LINGO2: variants seen among roughly 807,000 people sequenced by gnomAD.
LINGO2 encodes leucine rich repeat and Ig domain containing 2.
In LINGO2, 14 loss-of-function variants were observed where a neutral mutation model predicts 30.6. That is an observed-to-expected ratio of 0.46 (90% CI 0.30 to 0.72). LINGO2 has a LOEUF of 0.72. Among genes scored for constraint, LINGO2 ranks in the 30% least tolerant of loss-of-function variants. The probability of loss-of-function intolerance (pLI) is 0.07; values close to 1 mark genes in which losing one functional copy is unlikely to be tolerated. For missense variants in LINGO2, 729 were observed against 751.7 expected (o/e 0.97, Z 0.35); for synonymous variants, 317 against 288.5 (o/e 1.10, Z -1.00).
intron 5 of LINGO2, among the ~76,000 whole-genome samples, chr9:27,984,153 G>A (rs1317960282): frequency 2.0e-5 from 3 of 151,846 alleles, no homozygotes; most frequent in Non-Finnish European, 4.4e-5. Context: ...TAATATTGAG[G>A]AATGCTAGCT....
At chr9:28,754,970 A>C in the LINGO2 span, among the ~76,000 whole-genome samples, 5 of 151,982 alleles carry the variant, frequency 3.3e-5, no homozygotes, top group Non-Finnish European at 7.4e-5. Context: ...TTCAGTACAA[A>C]CAGAATTGCT....
intron 1 of LINGO2, among the ~76,000 whole-genome samples, chr9:28,577,582 T>C (rs1824052586): frequency 6.6e-6 from 1 of 152,152 alleles, no homozygotes; most frequent in Non-Finnish European, 1.5e-5. Flanking sequence ...AGGCTCTATG[T>C]GTATTGAATT....
the LINGO2 span, among the ~76,000 whole-genome samples, chr9:28,854,372 A>G: frequency 6.6e-6 from 1 of 152,044 alleles, no homozygotes; most frequent in Middle Eastern, 3.2e-3. Flanking sequence ...AAATCTTTAG[A>G]CAAATATAAG....
chr9:28,434,838 T>C lies in LINGO2; in HGVS notation c.-279+41102A>G, dbSNP rs1303254642. 6.6e-5 allele frequency among the ~76,000 whole-genome samples: 10 copies of C among 152,140 alleles called. No individual in the cohort carries two copies. The South Asian group carries it at 2.1e-3, about 31-fold the overall frequency. On this transcript the variant is annotated intron_variant, in intron 2 of 5. Coordinates refer to ENST00000379992, the Ensembl canonical transcript of LINGO2. ...TATCTATTGTTTTTAAAAGGTTTATTGACTATTTTCATGGAACACTTGTAC... is the reference window on the plus strand; with the variant it reads ...TATCTATTGTTTTTAAAAGGTTTATCGACTATTTTCATGGAACACTTGTAC...
chr9:28,237,321 C>T (rs971794238), intron 4 of LINGO2, among the ~76,000 whole-genome samples: 41 of 151,752 alleles, frequency 2.7e-4, no homozygotes, highest in Middle Eastern at 3.4e-3. Flanking sequence ...GAAATTAAAG[C>T]ATACCACCAG....
chr9:28,656,731 A>G (rs1032674787), intron 1 of LINGO2, among the ~76,000 whole-genome samples: 3 of 152,162 alleles, frequency 2.0e-5, no homozygotes, highest in Non-Finnish European at 4.4e-5. Flanking sequence ...TTTAAAATAC[A>G]TACAAGAATA....
chr9:28,942,970 C>T, the LINGO2 span, among the ~76,000 whole-genome samples: 1 of 152,100 alleles, frequency 6.6e-6, no homozygotes, highest in Non-Finnish European at 1.5e-5. Flanking sequence ...TTGGAAGTGA[C>T]AGCATGTATG....
chr9:28,334,664 A>G (rs141491354), intron 3 of LINGO2, among the ~76,000 whole-genome samples: 19 of 152,252 alleles, frequency 1.2e-4, no homozygotes, highest in Non-Finnish European at 2.2e-4. Flanking sequence ...GTGGAGTCCT[A>G]TGCTTACTGG....
chr9:28,018,818 G>A (rs564782220), intron 4 of LINGO2, among the ~76,000 whole-genome samples: 6 of 152,210 alleles, frequency 3.9e-5, no homozygotes, highest in African/African-American at 1.4e-4. Context: ...ATTACCATTT[G>A]ACCCAGCAAC....
intron 1 of LINGO2, among the ~76,000 whole-genome samples, chr9:28,582,805 A>G (rs1170602391): frequency 1.3e-5 from 2 of 152,066 alleles, no homozygotes; most frequent in African/African-American, 4.8e-5. Flanking sequence ...TATTACTTCA[A>G]ACATTTGCGA....
the LINGO2 span, among the ~76,000 whole-genome samples, chr9:29,159,659 C>T: frequency 6.6e-6 from 1 of 151,992 alleles, no homozygotes; most frequent in Non-Finnish European, 1.5e-5. Context: ...GAGTTCGAGA[C>T]AAGCCTAGCC....
the LINGO2 span, among the ~76,000 whole-genome samples, chr9:29,086,747 A>C: frequency 1.3e-5 from 2 of 152,198 alleles, no homozygotes; most frequent in Non-Finnish European, 2.9e-5. Context: ...ATATGAGTTC[A>C]TCATTTGAGC....
At chr9:28,045,228 A>T (rs1194464360) in intron 4 of LINGO2, among the ~76,000 whole-genome samples, 1 of 152,174 alleles carries the variant, frequency 6.6e-6, no homozygotes, top group Non-Finnish European at 1.5e-5. Context: ...CAGATGGAAA[A>T]CAAATCTAAA....
At chr9:28,884,993 A>T in the LINGO2 span, among the ~76,000 whole-genome samples, 1 of 4,480 alleles carries the variant, frequency 2.2e-4, no homozygotes, top group African/African-American at 7.7e-4. Context: ...ATATAATAAT[A>T]TATTATATAT....
At chr9:29,144,609 T>G in the LINGO2 span, among the ~76,000 whole-genome samples, 1 of 152,098 alleles carries the variant, frequency 6.6e-6, no homozygotes, top group Admixed American at 6.6e-5. Flanking sequence ...GGCAGGGTGG[T>G]CCACTCAGAA....
the LINGO2 span, among the ~76,000 whole-genome samples, chr9:29,209,202 A>G: frequency 6.6e-6 from 1 of 152,098 alleles, no homozygotes; most frequent in Non-Finnish European, 1.5e-5. Flanking sequence ...CTGTCCACCT[A>G]TGTCAAATGA....
At chr9:28,150,192 T>C (rs1431599861) in intron 4 of LINGO2, among the ~76,000 whole-genome samples, 1 of 137,054 alleles carries the variant, frequency 7.3e-6, no homozygotes, top group Non-Finnish European at 1.6e-5. Context: ...GCCCAGCCCC[T>C]GCACCGTCTG....
At chr9:28,527,565 CTAAG>C (rs911511897) in intron 1 of LINGO2, among the ~76,000 whole-genome samples, 3 of 152,076 alleles carry the variant, frequency 2.0e-5, no homozygotes, top group Non-Finnish European at 4.4e-5. Flanking sequence ...CTCTGTCTCT[CTAAG>C]TGTCAAGGAA....
At chr9:28,713,243 A>C in the LINGO2 span, among the ~76,000 whole-genome samples, 2 of 151,830 alleles carry the variant, frequency 1.3e-5, no homozygotes, top group African/African-American at 4.9e-5. Flanking sequence ...GAAAGCCTCA[A>C]TGATGACATT....
Sources: gnomAD v4.1 joint callset for allele counts (sites outside exome capture counted in the v4.1 genomes callset) on GRCh38, gnomAD v4.1.1 for gene constraint, MANE v1.5 for transcripts, NCBI Gene and HGNC (gene_info 2026-07-23, HGNC 2026-07-21) for gene names.